The following ATP2C2 variants were observed in gnomAD, a reference collection of about 807,000 sequenced individuals.
ATP2C2 encodes ATPase secretory pathway Ca2+ transporting 2.
In ATP2C2, 171 loss-of-function variants were observed where a neutral mutation model predicts 110.8. The ratio of observed to expected loss-of-function variants is 1.54; its 90% CI spans 1.36 to 1.75. The LOEUF (loss-of-function observed/expected upper bound fraction) is 1.75, where lower values mean the gene tolerates loss of function less well. Ranked by LOEUF, ATP2C2 falls within the 40% of genes most tolerant of loss-of-function variation. The pLI is 0.00. For synonymous variants in ATP2C2, 804 were observed against 508.4 expected (o/e 1.58, Z -7.82); for missense variants, 1,963 against 1,235.0 (o/e 1.59, Z -8.84).
intron 11 of ATP2C2, among the ~76,000 whole-genome samples, chr16:84,430,884 G>A (rs1478396350): frequency 2.0e-5 from 3 of 151,994 alleles, no homozygotes; most frequent in East Asian, 1.9e-4. Flanking sequence ...ATCCAAAGCC[G>A]GGCTCCTTGT....
intron 17 of ATP2C2, 54 bp from the exon 18 acceptor site, chr16:84,451,867 A>G: frequency 6.6e-7 from 1 of 1,515,666 alleles, no homozygotes; most frequent in Non-Finnish European, 8.9e-7. Flanking sequence ...AACAACAAAA[A>G]ACGACGGCCC....
intron 13 of ATP2C2, among the ~76,000 whole-genome samples, chr16:84,440,520 G>A (rs1055977276): frequency 6.6e-6 from 1 of 152,196 alleles, no homozygotes; most frequent in Non-Finnish European, 1.5e-5. Context: ...CGACAAAGGT[G>A]GTATGGGCTG....
rs117720389 is a variant in ATP2C2 at position 84,391,298 on chromosome 16, C to A, written c.100-7201C>A. On this transcript the variant is annotated intron_variant, in intron 1 of 26. Coordinates refer to ENST00000262429, the MANE Select transcript of ATP2C2 (RefSeq NM_014861.4). Reference sequence around the variant, plus strand: ...TCTACAAAGTAACAAGAAGCTACAGCCTCGGACCCTTCAGCCCCACAGCCC... The same window carrying A: ...TCTACAAAGTAACAAGAAGCTACAGACTCGGACCCTTCAGCCCCACAGCCC... 6.0e-3 allele frequency among the ~76,000 whole-genome samples: 920 copies of A among 152,254 alleles called. 5 individuals carry two copies. Among genetic ancestry groups the A allele is most frequent in the Non-Finnish European group, 8.9e-3 (606 of 68,022 alleles).
chr16:84,451,983 A>G lies in ATP2C2; in HGVS notation c.1723A>G (p.Ile575Val), dbSNP rs541433238. The G allele has an allele frequency of 6.2e-7, 1 of 1,613,566 alleles. No homozygotes were observed. Among genetic ancestry groups the G allele is most frequent in the South Asian group, 1.1e-5 (1 of 91,018 alleles). ...RLTFLGLVGI[I>V]DPPRVGVKEA... ...GACGTTTCTCGGTCTTGTGGGCATCATTGACCCCCCGAGAGTTGGCGTGAA... is the reference window on the plus strand; with the variant it reads ...GACGTTTCTCGGTCTTGTGGGCATCGTTGACCCCCCGAGAGTTGGCGTGAA... The change falls in exon 18 of 27, where the codon ATT (isoleucine) becomes GTT (valine). Residue 575 changes from isoleucine (I) to valine (V), a missense_variant. Transcript: ENST00000262429.
chr16:84,436,059 G>A (rs994186453), intron 11 of ATP2C2, among the ~76,000 whole-genome samples: 3 of 152,104 alleles, frequency 2.0e-5, no homozygotes, highest in Admixed American at 2.0e-4. Context: ...AAGCTGGGGG[G>A]TGGATGTTGC....
At chr16:84,430,254 G>A (rs1908148108) in intron 11 of ATP2C2, among the ~76,000 whole-genome samples, 1 of 152,156 alleles carries the variant, frequency 6.6e-6, no homozygotes. Context: ...CTCGTTGAAG[G>A]AGATGAGGAC....
At chr16:84,458,795 C>T (rs563640869) in intron 21 of ATP2C2, among the ~76,000 whole-genome samples, 8 of 152,296 alleles carry the variant, frequency 5.3e-5, no homozygotes, top group African/African-American at 1.4e-4. Context: ...AGATGCACGG[C>T]GCACTTCGGG....
In ATP2C2 at chr16:84,423,217, G is replaced by A. The variant is rs1234774632; in HGVS notation, c.873G>A (p.Met291Ile). The change falls in exon 10 of 27, where the codon ATG becomes ATA. Residue 291 changes from methionine (M) to isoleucine (I), a missense_variant. Met to Ile is a conservative substitution (Grantham distance 10). Transcript: ENST00000262429. ...ETPKTPLQKS[M>I]DRLGKQLTLF... ...CTAAAACTCCTTTGCAGAAAAGCATGGACAGGCTAGGAAAGCAACTGACAC... is the reference window on the plus strand; with the variant it reads ...CTAAAACTCCTTTGCAGAAAAGCATAGACAGGCTAGGAAAGCAACTGACAC... 1 of 1,614,102 alleles carries A rather than the reference G, an allele frequency of 6.2e-7. No homozygotes were observed. The highest frequency in any genetic ancestry group is 1.1e-5 in the South Asian group (1 of 91,072).
intron 2 of ATP2C2, among the ~76,000 whole-genome samples, chr16:84,403,462 CA>C (rs1905477993): frequency 6.6e-6 from 1 of 152,058 alleles, no homozygotes; most frequent in African/African-American, 2.4e-5. Flanking sequence ...TCTGCCACCA[CA>C]ATGGGCTAAT....
intron 1 of ATP2C2, among the ~76,000 whole-genome samples, chr16:84,376,965 G>A (rs1396042256): frequency 3.3e-5 from 5 of 152,222 alleles, no homozygotes; most frequent in Non-Finnish European, 7.3e-5. Context: ...TGATTCTTCT[G>A]AATTGTCATG....
intron 16 of ATP2C2, among the ~76,000 whole-genome samples, chr16:84,447,998 C>G (rs189689409): frequency 2.2e-4 from 33 of 152,070 alleles, no homozygotes; most frequent in African/African-American, 7.7e-4. Context: ...GTGTGACTCT[C>G]ACTGACCCAG....
intron 24 of ATP2C2, 169 bp downstream of exon 24, chr16:84,460,970 T>G: frequency 1.0e-6 from 1 of 999,244 alleles, no homozygotes; most frequent in Non-Finnish European, 1.4e-6. Flanking sequence ...GCAAAGGGAC[T>G]GGGTGACCCT....
chr16:84,392,126 C>T (rs188296845), intron 1 of ATP2C2, among the ~76,000 whole-genome samples: 185 of 152,242 alleles, frequency 1.2e-3, no homozygotes, highest in African/African-American at 4.3e-3. Context: ...AATGAGCCCA[C>T]ATGACTCTGT....
intron 17 of ATP2C2, 66 bp from the exon 18 acceptor site, chr16:84,451,855 C>T (rs79116909): frequency 5.0e-6 from 7 of 1,406,266 alleles, no homozygotes; most frequent in African/African-American, 4.4e-5. Context: ...ACAACAACAA[C>T]CAACAACAAA....
intron 1 of ATP2C2, among the ~76,000 whole-genome samples, chr16:84,371,599 A>C (rs1393193833): frequency 6.6e-6 from 1 of 152,218 alleles, no homozygotes; most frequent in Non-Finnish European, 1.5e-5. Flanking sequence ...TAGGGTAAGG[A>C]AGAGATTGGA....
At chr16:84,458,978 G>A in intron 21 of ATP2C2, 142 bp from the exon 22 acceptor site, 1 of 864,748 alleles carries the variant, frequency 1.2e-6, no homozygotes, top group Non-Finnish European at 1.8e-6. Flanking sequence ...GTGTCCCCAA[G>A]AATGCCAGCA....
rs150296497 is a variant in ATP2C2 at position 84,442,967 on chromosome 16, G to T, written c.1401+368G>T. Reference sequence around the variant, plus strand: ...ACCACTGGGAGGGGCTGGTTCCTGGGAATGTATTCGATTGACTCCGGGGTT... The same window carrying T: ...ACCACTGGGAGGGGCTGGTTCCTGGTAATGTATTCGATTGACTCCGGGGTT... On this transcript the variant is annotated intron_variant, in intron 15 of 26. Transcript: ENST00000262429. Among the ~76,000 whole-genome samples the T allele has an allele frequency of 3.7e-4, 56 of 152,204 alleles. 2 individuals carry two copies. In the East Asian group the frequency reaches 9.9e-3, roughly 27 times the overall value.
At chr16:84,447,770 ATAATG>A (rs1461750598) in intron 16 of ATP2C2, among the ~76,000 whole-genome samples, 7 of 145,896 alleles carry the variant, frequency 4.8e-5, no homozygotes, top group Non-Finnish European at 7.5e-5. Context: ...TATAAATAAT[ATAATG>A]TAATATAATA....
chr16:84,392,690 T>G (rs1904732414), intron 1 of ATP2C2, among the ~76,000 whole-genome samples: 1 of 152,236 alleles, frequency 6.6e-6, no homozygotes, highest in African/African-American at 2.4e-5. Context: ...CTCGAACTGC[T>G]GACTTCAGGT....
Sources: gnomAD v4.1 joint callset for allele counts (sites outside exome capture counted in the v4.1 genomes callset) on GRCh38, gnomAD v4.1.1 for gene constraint, MANE v1.5 for transcripts, NCBI Gene and HGNC (gene_info 2026-07-23, HGNC 2026-07-21) for gene names.